NTRK3: variants seen among roughly 807,000 people sequenced by gnomAD.
NTRK3 encodes the protein neurotrophic receptor tyrosine kinase 3.
Under a neutral mutation model 91.7 loss-of-function variants are expected in NTRK3, and 24 were observed. That is an observed-to-expected ratio of 0.26 (90% CI 0.19 to 0.37). The LOEUF is 0.37. Among genes scored for constraint, NTRK3 ranks in the 10% least tolerant of loss-of-function variants. NTRK3 has a pLI of 1.00. For synonymous variants in NTRK3, 483 were observed against 404.0 expected (o/e 1.20, Z -2.34); for missense variants, 880 against 1,068.9 (o/e 0.82, Z 2.46).
intron 14 of NTRK3, among the ~76,000 whole-genome samples, chr15:87,989,857 T>C (rs2075151858): frequency 6.6e-6 from 1 of 152,174 alleles, no homozygotes; most frequent in Admixed American, 6.5e-5. Flanking sequence ...TGCGCCCACC[T>C]CAGCCTCCCA....
Position 87,999,568 on chromosome 15 carries a change from T to G in NTRK3, c.1585+33289A>C, listed in dbSNP as rs1450369380. On this transcript the variant is annotated intron_variant, in intron 14 of 18. Coordinates refer to ENST00000394480, the Ensembl canonical transcript of NTRK3. ...CTTTTCTTCCTTCATGCAAATTTTATTTCCCATGCATCGAGCCATGTAGAT... is the reference window on the plus strand; with the variant it reads ...CTTTTCTTCCTTCATGCAAATTTTAGTTCCCATGCATCGAGCCATGTAGAT... 2.0e-5 allele frequency among the ~76,000 whole-genome samples: 3 copies of G among 152,226 alleles called. No homozygotes were observed. In the East Asian group the frequency reaches 5.8e-4, roughly 29 times the overall value.
intron 14 of NTRK3, among the ~76,000 whole-genome samples, chr15:88,013,500 G>A (rs1053176522): frequency 6.6e-5 from 10 of 152,158 alleles, no homozygotes; most frequent in African/African-American, 1.2e-4. Flanking sequence ...ACTGTAAATC[G>A]TGTGAAGTTA....
intron 17 of NTRK3, among the ~76,000 whole-genome samples, chr15:87,922,622 A>C (rs1462929639): frequency 1.3e-5 from 2 of 152,230 alleles, no homozygotes; most frequent in Non-Finnish European, 2.9e-5. Flanking sequence ...AGGAAGTCTT[A>C]GAGTTTCTGA....
chr15:88,196,483 T>C (rs548116696), intron 3 of NTRK3, among the ~76,000 whole-genome samples: 1 of 152,298 alleles, frequency 6.6e-6, no homozygotes, highest in South Asian at 2.1e-4. Flanking sequence ...CCAGCTCCTG[T>C]AAGACCTGAG....
At chr15:88,051,984 C>T (rs966831582) in intron 13 of NTRK3, among the ~76,000 whole-genome samples, 3 of 152,182 alleles carry the variant, frequency 2.0e-5, no homozygotes, top group East Asian at 3.9e-4. Flanking sequence ...GAGAAGAGCA[C>T]CATAATTGAA....
chr15:88,211,333 T>C (rs2049227776), intron 3 of NTRK3, among the ~76,000 whole-genome samples: 1 of 152,250 alleles, frequency 6.6e-6, no homozygotes, highest in African/African-American at 2.4e-5. Context: ...TGTTGTAGCA[T>C]GTATCAAAAT....
At position 88,235,701 on chromosome 15, in the gene NTRK3, G is replaced by A. The variant is rs1163172400; in HGVS notation, c.248+20205C>T. Among the ~76,000 whole-genome samples the A allele has an allele frequency of 6.6e-6, 1 of 152,198 alleles. No homozygotes were observed. The highest frequency in any genetic ancestry group is 6.5e-5 in the Admixed American group (1 of 15,282). Reference sequence around the variant, plus strand: ...AGCTCTGAGAGGACCCTAGGGGGATGTCCTTGGGCTGAGGACCCCAGAAGG... The same window carrying A: ...AGCTCTGAGAGGACCCTAGGGGGATATCCTTGGGCTGAGGACCCCAGAAGG... On this transcript the variant is annotated intron_variant, in intron 3 of 18. Coordinates refer to ENST00000394480, the Ensembl canonical transcript of NTRK3. This position sits in a 1 kb window ranked among gnomAD's most constrained non-coding sequence, Gnocchi z 5.2.
At chr15:87,966,632 G>A (rs538959866) in intron 14 of NTRK3, among the ~76,000 whole-genome samples, 4 of 152,320 alleles carry the variant, frequency 2.6e-5, no homozygotes, top group South Asian at 2.1e-4. Context: ...TACCTGCAGC[G>A]TAGCCCACCC....
intron 14 of NTRK3, among the ~76,000 whole-genome samples, chr15:88,027,572 C>T (rs550646467): frequency 4.7e-4 from 71 of 152,146 alleles, no homozygotes; most frequent in African/African-American, 1.7e-3. Context: ...TTAGTAGAGA[C>T]GGGGTTTCAC....
At chr15:87,901,216 G>A (rs1001563674) in intron 17 of NTRK3, among the ~76,000 whole-genome samples, 1 of 152,236 alleles carries the variant, frequency 6.6e-6, no homozygotes, top group Non-Finnish European at 1.5e-5. Context: ...AAAGGCAGGA[G>A]AGGACTGCTC....
At chr15:87,913,455 C>A (rs909934717) in intron 17 of NTRK3, among the ~76,000 whole-genome samples, 3 of 152,194 alleles carry the variant, frequency 2.0e-5, no homozygotes, top group African/African-American at 7.2e-5. Flanking sequence ...CAAGTGCCAC[C>A]AATCCTCTTT....
In NTRK3 at chr15:87,867,344, G is replaced by A. The variant is rs147479809; in HGVS notation, c.*9591C>T. 2.1e-4 allele frequency: 48 copies of A among 228,402 alleles called. No individual in the cohort carries two copies. In the East Asian group the frequency reaches 2.6e-3, roughly 12 times the overall value. The allele number at this position is 228,402 out of a possible 1,614,324, so 14.1% of individuals were successfully genotyped here. The stretch of plus-strand genomic sequence containing the variant: ...TCCCTGGCCTTAAAGGGTGGGGTGG[G>A]GAGCAGGGAATGGACAGCAAGTGTT... On this transcript the variant is annotated 3_prime_UTR_variant, in exon 19 of 19. Coordinates refer to ENST00000394480, the Ensembl canonical transcript of NTRK3.
chr15:88,029,319 A>C (rs76866729), intron 14 of NTRK3, among the ~76,000 whole-genome samples: 1 of 152,348 alleles, frequency 6.6e-6, no homozygotes, highest in East Asian at 1.9e-4. Context: ...GCATCTGATA[A>C]GGGATTGTAC....
Position 88,184,304 on chromosome 15 carries a change from A to G in NTRK3, c.249-5T>C. 3 of 1,613,918 alleles carry G rather than the reference A, an allele frequency of 1.9e-6. No individual in the cohort carries two copies. The highest frequency in any genetic ancestry group is 2.2e-5 in the South Asian group (2 of 91,058). ...CTGCGCCAGTTCTCTATGTGTCTGC[A>G]GGGGAGGAGGAAAGGTAACGGTCAG... On this transcript the variant is annotated splice_region_variant and splice_polypyrimidine_tract_variant and intron_variant, in intron 3 of 18. Transcript: ENST00000394480.
chr15:87,979,421 T>A, intron 14 of NTRK3: 1 of 1,613,622 alleles, frequency 6.2e-7, no homozygotes, highest in Non-Finnish European at 8.5e-7. Flanking sequence ...AGGCTTGGAA[T>A]GTCCGGGAAG....
Position 88,243,560 on chromosome 15 carries a change from A to G in NTRK3, c.248+12346T>C, listed in dbSNP as rs1392709306. ...TGCACACACACACACACACACACACACACACACACACACACACTGAGCAAA... is the reference window on the plus strand; with the variant it reads ...TGCACACACACACACACACACACACGCACACACACACACACACTGAGCAAA... On this transcript the variant is annotated intron_variant, in intron 3 of 18. Coordinates refer to ENST00000394480, the Ensembl canonical transcript of NTRK3. This position sits in a 1 kb window ranked among gnomAD's most constrained non-coding sequence, Gnocchi z 4.8. Among the ~76,000 whole-genome samples, 1 of 151,440 alleles carries G rather than the reference A, an allele frequency of 6.6e-6. No homozygotes were observed. Among genetic ancestry groups the G allele is most frequent in the African/African-American group, 2.4e-5 (1 of 40,970 alleles).
At chr15:87,943,217 C>T (rs2070081500) in intron 14 of NTRK3, among the ~76,000 whole-genome samples, 1 of 152,116 alleles carries the variant, frequency 6.6e-6, no homozygotes, top group Non-Finnish European at 1.5e-5. Context: ...AACACGGCTT[C>T]TTTGGTGGGG....
intron 3 of NTRK3, among the ~76,000 whole-genome samples, chr15:88,252,232 G>C (rs1345405957): frequency 6.6e-6 from 1 of 152,058 alleles, no homozygotes; most frequent in Non-Finnish European, 1.5e-5. Context: ...TGAGCCCCAT[G>C]ATGCCTTTGG....
At chr15:88,033,816 G>C (rs1372656218) in intron 13 of NTRK3, among the ~76,000 whole-genome samples, 2 of 152,060 alleles carry the variant, frequency 1.3e-5, no homozygotes, top group African/African-American at 4.8e-5. Flanking sequence ...TTCAAAATAA[G>C]AGTTTTAAAT....
Sources: allele counts gnomAD v4.1 joint callset (sites outside exome capture counted in the v4.1 genomes callset), GRCh38; gene constraint gnomAD v4.1.1; non-coding constraint Gnocchi (gnomAD v3.1); transcripts MANE v1.5; gene names NCBI Gene and HGNC (gene_info 2026-07-23, HGNC 2026-07-21).